CACNA1A: variants seen among roughly 807,000 people sequenced by gnomAD.
CACNA1A encodes the protein calcium voltage-gated channel subunit alpha1 A.
Under a neutral mutation model 262.4 loss-of-function variants are expected in CACNA1A, and 57 were observed. The observed-to-expected ratio is 0.22, with a 90% CI of 0.18 to 0.27. The LOEUF (loss-of-function observed/expected upper bound fraction) is 0.27. CACNA1A is among the 10% of genes least tolerant of loss of function. CACNA1A has a pLI of 1.00. For missense variants in CACNA1A, 2,526 were observed against 3,562.8 expected, an observed-to-expected ratio of 0.71 and a Z score of 7.41; for synonymous variants, 1,431 against 1,419.3, an observed-to-expected ratio of 1.01 and a Z score of -0.18.
chr19:13,227,371 AGAAG>A (rs1345094793), intron 37 of CACNA1A, 56 bp downstream of exon 37: 19 of 736,672 alleles, frequency 2.6e-5, no homozygotes, highest in Non-Finnish European at 4.0e-5. Flanking sequence ...AAAAAAAAGA[AGAAG>A]AAGAAGAAAA....
chr19:13,227,708 A>G lies in CACNA1A; in HGVS notation c.5529-181T>C, dbSNP rs114277446. 1.5e-3 allele frequency: 534 copies of G among 345,574 alleles called. 1 individual carries two copies. Among genetic ancestry groups the G allele is most frequent in the African/African-American group, 0.011 (494 of 46,626 alleles). 21.4% of individuals were successfully genotyped at this position (345,574 alleles called of 1,614,324 possible). A position where few individuals can be genotyped will look rare whatever the true frequency, so the allele number is the denominator to read the frequency against. On this transcript the variant is annotated intron_variant, in intron 36 of 46. Coordinates refer to ENST00000360228, the MANE Select transcript of CACNA1A (RefSeq NM_001127222.2). ...ATGATAAAATAGATATTTCAAATCA[A>G]TGGAAAAGAGGAGGAAAAAAAATGG...
intron 24 of CACNA1A, among the ~76,000 whole-genome samples, chr19:13,267,475 TCA>T (rs2056891272): frequency 6.6e-6 from 1 of 152,092 alleles, no homozygotes; most frequent in South Asian, 2.1e-4. Flanking sequence ...TGCAAAGCTG[TCA>T]GTTACCAAAG....
chr19:13,343,902 T>A (rs2058715936), intron 6 of CACNA1A, among the ~76,000 whole-genome samples: 1 of 152,044 alleles, frequency 6.6e-6, no homozygotes, highest in Non-Finnish European at 1.5e-5. Flanking sequence ...GTTTATAGCA[T>A]CAAATACCTA....
chr19:13,464,934 CTCTTT>C (rs1221301683), intron 1 of CACNA1A, among the ~76,000 whole-genome samples: 3 of 151,492 alleles, frequency 2.0e-5, no homozygotes, highest in Non-Finnish European at 4.4e-5. Context: ...CTCTTCTCTT[CTCTTT>C]TCTTTTTGAG....
chr19:13,393,648 TTCTC>T (rs999507148), intron 3 of CACNA1A, among the ~76,000 whole-genome samples: 44 of 149,254 alleles, frequency 2.9e-4, no homozygotes, highest in African/African-American at 1.0e-3. Context: ...TTCTCTTTCT[TTCTC>T]TGTCTTCCTC....
chr19:13,208,156 GGGA>G (rs1322017219), intron 46 of CACNA1A, 103 bp from the exon 47 acceptor site: 1 of 323,202 alleles, frequency 3.1e-6, no homozygotes, highest in Non-Finnish European at 4.8e-6. Flanking sequence ...GAGAGGGGCC[GGGA>G]GGAGAGGGAG....
At chr19:13,245,485 C>T (rs1338793045) in intron 30 of CACNA1A, 9 of 557,608 alleles carry the variant, frequency 1.6e-5, no homozygotes, top group African/African-American at 5.7e-5. Flanking sequence ...GGCCTGGCCC[C>T]AGAGGGGGCC....
At chr19:13,211,872 C>T in intron 43 of CACNA1A, 1 of 517,494 alleles carries the variant, frequency 1.9e-6, no homozygotes, top group Non-Finnish European at 3.5e-6. Flanking sequence ...GCCCTCTGCC[C>T]CAGGGGGAGC....
intron 1 of CACNA1A, among the ~76,000 whole-genome samples, chr19:13,481,573 G>A (rs1233490319): frequency 6.6e-6 from 1 of 152,198 alleles, no homozygotes; most frequent in East Asian, 1.9e-4. Context: ...TACAGCCGCT[G>A]GGCTGACCCT....
At chr19:13,209,527 G>A (rs989652217) in intron 44 of CACNA1A, 29 bp from the exon 45 acceptor site, 15 of 1,280,792 alleles carry the variant, frequency 1.2e-5, no homozygotes, top group Non-Finnish European at 1.3e-5. Flanking sequence ...CGGTGGGCTG[G>A]GGTCAGCAGC....
Position 13,262,806 on chromosome 19 carries a change from G to A in CACNA1A, c.4017C>T (p.Asn1339=), listed in dbSNP as rs760214001. ...GGAGGACTCGGAGGGATTTAATCGT[G>A]TTGATGTCTTTTCCTTTGCTATTGC... ...FTGNSKGKDI[N]TIKSLRVLRV... Residue 1339 remains asparagine, a synonymous_variant, in exon 25 of 47, where the codon AAC becomes AAT. Coordinates refer to ENST00000360228, the MANE Select transcript of CACNA1A (RefSeq NM_001127222.2). The A allele has an allele frequency of 1.2e-6, 2 of 1,613,000 alleles. No homozygotes were observed. The highest frequency in any genetic ancestry group is 1.7e-6 in the Non-Finnish European group (2 of 1,179,306).
In CACNA1A at chr19:13,324,318, TATTGCATTGC is replaced by T. The variant is rs113339444; in HGVS notation, c.1345+5916_1345+5925del. Among the ~76,000 whole-genome samples the T allele has an allele frequency of 4.6e-5, 7 of 152,014 alleles. No individual in the cohort carries two copies. The East Asian group carries it at 1.3e-3, about 29-fold the overall frequency. On this transcript the variant is annotated intron_variant, in intron 10 of 46. Transcript: ENST00000360228. Reference sequence around the variant, plus strand: ...ACTGGAGGAGTAAGTTTTAGTGATCTATTGCATTGCATTGCATTGCATCGCATTTAGTGAT... The same window carrying T: ...ACTGGAGGAGTAAGTTTTAGTGATCTATTGCATTGCATCGCATTTAGTGAT...
intron 1 of CACNA1A, among the ~76,000 whole-genome samples, chr19:13,488,883 T>G (rs187641867): frequency 6.6e-6 from 1 of 152,060 alleles, no homozygotes; most frequent in East Asian, 1.9e-4. Flanking sequence ...TCCAGTAGGA[T>G]GCTCTAGATC....
intron 6 of CACNA1A, among the ~76,000 whole-genome samples, chr19:13,358,753 C>T (rs4410214): frequency 4.5e-4 from 69 of 152,022 alleles, no homozygotes; most frequent in African/African-American, 1.5e-3. Flanking sequence ...CCACATACTA[C>T]GGGGAAATAT....
chr19:13,489,985 C>G (rs1362535414), intron 1 of CACNA1A, among the ~76,000 whole-genome samples: 2 of 152,076 alleles, frequency 1.3e-5, no homozygotes, highest in African/African-American at 4.8e-5. Flanking sequence ...CCTTGGACTC[C>G]CTCTCTCTCC....
intron 4 of CACNA1A, chr19:13,371,171 G>A (rs2059317139): frequency 6.6e-6 from 1 of 152,498 alleles, no homozygotes; most frequent in African/African-American, 2.4e-5. Flanking sequence ...GGGTGACTGT[G>A]AGGATGAAAT....
In CACNA1A at chr19:13,308,523, G is replaced by A; in HGVS notation, c.1674C>T (p.Ile558=). The A allele has an allele frequency of 1.2e-6, 2 of 1,603,632 alleles. No individual in the cohort carries two copies. Among genetic ancestry groups the A allele is most frequent in the Non-Finnish European group, 1.7e-6 (2 of 1,171,800 alleles). The part of the protein sequence containing the change: ...SSFNCFDCGV[I]IGSIFEVIWA... The stretch of plus-strand genomic sequence containing the variant: ...AGATGACCTCGAAGATGCTCCCAAT[G>A]ATAACCTAGGGCAGAGAACCTGGTC... Residue 558 remains isoleucine (I), a synonymous_variant, in exon 13 of 47, where the codon ATC becomes ATT. Transcript: ENST00000360228. This position sits in a 1 kb window ranked among gnomAD's most constrained non-coding sequence, Gnocchi z 4.2.
intron 38 of CACNA1A, among the ~76,000 whole-genome samples, chr19:13,222,664 C>G (rs1464930545): frequency 6.6e-6 from 1 of 150,638 alleles, no homozygotes; most frequent in Non-Finnish European, 1.5e-5. Flanking sequence ...CAAAGTGCTG[C>G]TATTACAGGC....
chr19:13,482,482 C>CAAA (rs34452086), intron 1 of CACNA1A, among the ~76,000 whole-genome samples: 319 of 141,976 alleles, frequency 2.2e-3, no homozygotes, highest in African/African-American at 8.1e-3. Context: ...GACTCCGTCT[C>CAAA]AAAAAAAAAA....
Sources: allele counts gnomAD v4.1 joint callset (sites outside exome capture counted in the v4.1 genomes callset), GRCh38; gene constraint gnomAD v4.1.1; non-coding constraint Gnocchi (gnomAD v3.1); transcripts MANE v1.5; gene names NCBI Gene and HGNC (gene_info 2026-07-23, HGNC 2026-07-21).